The following TTLL5 variants were observed in gnomAD, a reference collection of about 807,000 sequenced individuals.
TTLL5 encodes tubulin tyrosine ligase like 5.
A neutral mutation model predicts 168.4 loss-of-function variants in TTLL5; 132 were observed. That is an observed-to-expected ratio of 0.78 (90% confidence interval 0.68 to 0.91). The LOEUF is 0.91. Among genes scored for constraint, TTLL5 ranks in the 40% least tolerant of loss-of-function variants. The pLI is 0.00. For missense variants in TTLL5, 1,545 were observed against 1,581.5 expected, an observed-to-expected ratio of 0.98 and a Z score of 0.39; for synonymous variants, 546 against 558.6, an observed-to-expected ratio of 0.98 and a Z score of 0.32.
At chr14:75,682,330 G>C (rs1320262101) in intron 4 of TTLL5, among the ~76,000 whole-genome samples, 1 of 152,154 alleles carries the variant, frequency 6.6e-6, no homozygotes, top group African/African-American at 2.4e-5. Context: ...ATAGGAACAG[G>C]AGTCTTCAGC....
chr14:75,690,131 A>G (rs1885345078), intron 5 of TTLL5, 61 bp from the exon 6 acceptor site: 2 of 1,592,942 alleles, frequency 1.3e-6, no homozygotes, highest in African/African-American at 1.3e-5. Context: ...TTAGAATGTG[A>G]TAACACAGGA....
chr14:75,895,291 A>G (rs752862529), intron 30 of TTLL5, among the ~76,000 whole-genome samples: 3 of 152,214 alleles, frequency 2.0e-5, no homozygotes, highest in African/African-American at 7.2e-5. Context: ...CTGAGCCCTG[A>G]AATTCATTTT....
chr14:75,939,587 C>T (rs1024475824), intron 31 of TTLL5, among the ~76,000 whole-genome samples: 3 of 152,158 alleles, frequency 2.0e-5, no homozygotes, highest in African/African-American at 7.2e-5. Context: ...ATGAGTTTCT[C>T]TATGTTGCCC....
chr14:75,911,258 C>G (rs1253536110), intron 31 of TTLL5, among the ~76,000 whole-genome samples: 1 of 152,086 alleles, frequency 6.6e-6, no homozygotes, highest in African/African-American at 2.4e-5. Context: ...GCCTCGAACT[C>G]CTGACCTCAA....
At chr14:75,830,497 A>G (rs1182640295) in intron 28 of TTLL5, among the ~76,000 whole-genome samples, 1 of 152,252 alleles carries the variant, frequency 6.6e-6, no homozygotes, top group Non-Finnish European at 1.5e-5. Flanking sequence ...AGCTCAATTT[A>G]GCCATCCCAC....
At chr14:75,783,694 A>G (rs1202588894) in intron 26 of TTLL5, among the ~76,000 whole-genome samples, 164 bp downstream of exon 26, 1 of 152,246 alleles carries the variant, frequency 6.6e-6, no homozygotes, top group Non-Finnish European at 1.5e-5. Flanking sequence ...CATTGCATCC[A>G]GTAGCATGCC....
chr14:75,733,894 T>C, intron 13 of TTLL5, 95 bp from the exon 14 acceptor site: 1 of 1,156,682 alleles, frequency 8.6e-7, no homozygotes, highest in East Asian at 2.4e-5. Context: ...TTCATTGACA[T>C]TTGGAAACTT....
chr14:75,911,668 G>A (rs901330720), intron 31 of TTLL5, among the ~76,000 whole-genome samples: 1 of 152,046 alleles, frequency 6.6e-6, no homozygotes, highest in Non-Finnish European at 1.5e-5. Context: ...AAGATATTTT[G>A]GAATTTGACA....
rs563628662 is a variant in TTLL5 at position 75,809,266 on chromosome 14, T to G, written c.3172-10741T>G. Among the ~76,000 whole-genome samples, 284 of 152,328 alleles carry G rather than the reference T, an allele frequency of 1.9e-3. 1 individual carries two copies. The highest frequency in any genetic ancestry group is 6.7e-3 in the African/African-American group (277 of 41,566). On this transcript the variant is annotated intron_variant, in intron 27 of 31. Transcript: ENST00000298832. ...TCTGTCTTGATGCTCCATGGACTTATGGTCTCTAAGTTAAGATCCCCTGAA... is the reference window on the plus strand; with the variant it reads ...TCTGTCTTGATGCTCCATGGACTTAGGGTCTCTAAGTTAAGATCCCCTGAA...
At chr14:75,917,354 C>T (rs1046589896) in intron 31 of TTLL5, among the ~76,000 whole-genome samples, 4 of 152,234 alleles carry the variant, frequency 2.6e-5, no homozygotes, top group Non-Finnish European at 5.9e-5. Context: ...CTGAAATTCA[C>T]ACCCAAGCAG....
At chr14:75,948,871 A>G (rs2140214789) in intron 31 of TTLL5, among the ~76,000 whole-genome samples, 1 of 152,330 alleles carries the variant, frequency 6.6e-6, no homozygotes, top group African/African-American at 2.4e-5. Flanking sequence ...TTTAACTTAC[A>G]AATATTTACT....
intron 18 of TTLL5, among the ~76,000 whole-genome samples, chr14:75,756,736 G>A (rs921831676): frequency 4.6e-5 from 7 of 151,948 alleles, no homozygotes; most frequent in African/African-American, 1.7e-4. Context: ...GCGAACTCTT[G>A]GCCTCAAGTA....
At position 75,766,131 on chromosome 14, in the gene TTLL5, T is replaced by G; in HGVS notation, c.1778T>G (p.Leu593Ter). Reference sequence around the variant, plus strand: ...AGTGAAGAGGAGGAAGAAGTCGCATTAGATAATGAAGATGAAGAACAGGAG... The same window carrying G: ...AGTGAAGAGGAGGAAGAAGTCGCATGAGATAATGAAGATGAAGAACAGGAG... Reference protein sequence around the residue: ...TESEEEEEVALDNEDEEQEAS... With the variant: ...TESEEEEEVA Residue 593 changes from leucine (L) to a stop codon, truncating the protein, a stop_gained, in exon 20 of 32, where the codon TTA becomes TGA. Transcript: ENST00000298832. LOFTEE classifies it high-confidence loss of function. 6.2e-7 allele frequency: 1 copy of G among 1,614,050 alleles called. No homozygotes were observed. The highest frequency in any genetic ancestry group is 8.5e-7 in the Non-Finnish European group (1 of 1,179,988).
At chr14:75,666,564 T>C (rs1479308463) in intron 2 of TTLL5, among the ~76,000 whole-genome samples, 1 of 152,146 alleles carries the variant, frequency 6.6e-6, no homozygotes, top group Non-Finnish European at 1.5e-5. Context: ...AATTATAAAG[T>C]GGGTGCTATA....
At chr14:75,870,544 C>T (rs1200583794) in intron 29 of TTLL5, among the ~76,000 whole-genome samples, 4 of 152,134 alleles carry the variant, frequency 2.6e-5, no homozygotes, top group African/African-American at 9.7e-5. Context: ...ATGCAGTATC[C>T]TGACGTTTGT....
intron 30 of TTLL5, among the ~76,000 whole-genome samples, chr14:75,893,000 C>T (rs913579739): frequency 3.3e-5 from 5 of 151,982 alleles, no homozygotes; most frequent in African/African-American, 7.3e-5. Flanking sequence ...AAAATAAGCC[C>T]GCAAACCAAA....
rs2030230752 is a variant in TTLL5, at chr14:75,863,718, GTACAGCCAGGC to G, written c.3384_3394del (p.Ser1128ArgfsTer25). On this transcript the variant is annotated frameshift_variant, in exon 29 of 32. Coordinates refer to ENST00000298832, the MANE Select transcript of TTLL5 (RefSeq NM_015072.5). LOFTEE classifies it high-confidence loss of function. ...GGGAAGGAGAAGTAGAAAACAACGT[GTACAGCCAGGC>G]TACAGGGGTGGTCCCCCAGCACAAG... 4 of 1,612,156 alleles carry G rather than the reference GTACAGCCAGGC, an allele frequency of 2.5e-6. No homozygotes were observed. The highest frequency in any genetic ancestry group is 2.5e-6 in the Non-Finnish European group (3 of 1,178,678).
intron 27 of TTLL5, among the ~76,000 whole-genome samples, chr14:75,806,345 C>A (rs1202004509): frequency 6.6e-6 from 1 of 152,082 alleles, no homozygotes; most frequent in African/African-American, 2.4e-5. Context: ...TGGATCCTTT[C>A]CTAAATCACA....
At chr14:75,914,188 A>G (rs1200381487) in intron 31 of TTLL5, among the ~76,000 whole-genome samples, 1 of 151,268 alleles carries the variant, frequency 6.6e-6, no homozygotes, top group African/African-American at 2.4e-5. Flanking sequence ...TACAATTTAT[A>G]TCACAAAGTT....
Sources: gnomAD v4.1 joint callset for allele counts (sites outside exome capture counted in the v4.1 genomes callset) on GRCh38, gnomAD v4.1.1 for gene constraint, MANE v1.5 for transcripts, NCBI Gene and HGNC (gene_info 2026-07-23, HGNC 2026-07-21) for gene names.